TM2D1: variants seen among roughly 807,000 people sequenced by gnomAD.
The protein encoded by TM2D1 is TM2 domain-containing protein 1.
A neutral mutation model predicts 28.4 loss-of-function variants in TM2D1; 15 were observed. That is an observed-to-expected ratio of 0.53 (90% CI 0.35 to 0.81). The LOEUF (loss-of-function observed/expected upper bound fraction) is 0.81. TM2D1 is among the 40% of genes least tolerant of loss of function. The pLI is 0.01. For missense variants in TM2D1, 236 were observed against 254.9 expected, an observed-to-expected ratio of 0.93 and a Z score of 0.50; for synonymous variants, 93 against 96.2, an observed-to-expected ratio of 0.97 and a Z score of 0.20.
At chr1:61,724,466 G>A (rs1470417651) in intron 1 of TM2D1, 1 of 152,770 alleles carries the variant, frequency 6.5e-6, no homozygotes, top group African/African-American at 2.4e-5. Flanking sequence ...TTGTCTGGCA[G>A]TCTACCATCT....
chr1:61,683,239 C>T (rs1226349274), intron 6 of TM2D1, 178 bp downstream of exon 6: 3 of 274,734 alleles, frequency 1.1e-5, no homozygotes, highest in Non-Finnish European at 1.4e-5. Context: ...AAGTGGGAAC[C>T]GAAGGAGCCA....
chr1:61,718,723 A>G (rs1268782908), intron 2 of TM2D1, among the ~76,000 whole-genome samples: 1 of 152,234 alleles, frequency 6.6e-6, no homozygotes, highest in East Asian at 1.9e-4. Flanking sequence ...ATGTTACTTT[A>G]CAGCGTGGAA....
rs1351398379 is a variant in TM2D1, at chr1:61,724,980, C to T, written c.141G>A (p.Lys47=). ...ATTGTCCCACTTTGAGGTCCTCGCA[C>T]TTAAGCGACTCCTCGCCCCCGGCGG... The part of the protein sequence containing the change: ...ATSAGGEESL[K]CEDLKVGQYI... The change falls in exon 1 of 7, where the codon AAG becomes AAA. Residue 47 remains lysine, a synonymous_variant. Transcript: ENST00000606498. 6.2e-6 allele frequency: 10 copies of T among 1,605,696 alleles called. No homozygotes were observed. Among genetic ancestry groups the T allele is most frequent in the Non-Finnish European group, 8.5e-6 (10 of 1,173,464 alleles).
At chr1:61,714,562 C>A (rs1395980644) in intron 2 of TM2D1, among the ~76,000 whole-genome samples, 2 of 152,088 alleles carry the variant, frequency 1.3e-5, no homozygotes, top group Non-Finnish European at 2.9e-5. Context: ...AGAGCCCTTT[C>A]TTTCGCTTTA....
At chr1:61,685,307 C>T (rs577392658) in intron 5 of TM2D1, among the ~76,000 whole-genome samples, 46 of 152,230 alleles carry the variant, frequency 3.0e-4, no homozygotes, top group African/African-American at 1.1e-3. Context: ...ATTGATGTAA[C>T]ACTTTTATTT....
At chr1:61,710,475 TACACAC>T (rs34366819) in intron 2 of TM2D1, among the ~76,000 whole-genome samples, 33 of 119,562 alleles carry the variant, frequency 2.8e-4, no homozygotes, top group Non-Finnish European at 4.9e-5. Context: ...TATATATATA[TACACAC>T]ACACACACAC....
intron 1 of TM2D1, among the ~76,000 whole-genome samples, chr1:61,724,705 A>T (rs1418926025): frequency 6.6e-6 from 1 of 152,176 alleles, no homozygotes; most frequent in Non-Finnish European, 1.5e-5. Flanking sequence ...ACTGATAAAA[A>T]AGAAAAAAAA....
chr1:61,711,854 G>T (rs561162686), intron 2 of TM2D1, among the ~76,000 whole-genome samples: 1 of 151,856 alleles, frequency 6.6e-6, no homozygotes, highest in Non-Finnish European at 1.5e-5. Flanking sequence ...CTGAAATGTT[G>T]ATATAAATTC....
chr1:61,682,949 CA>C (rs1360534495), intron 6 of TM2D1, among the ~76,000 whole-genome samples: 1 of 149,864 alleles, frequency 6.7e-6, no homozygotes, highest in Non-Finnish European at 1.5e-5. Context: ...ATAATTCTTA[CA>C]GCCAGAGCCA....
intron 5 of TM2D1, among the ~76,000 whole-genome samples, chr1:61,692,453 G>A: frequency 7.6e-6 from 1 of 131,104 alleles, no homozygotes. Context: ...AAAGAAAGAT[G>A]GAAAGAAGGA....
intron 5 of TM2D1, among the ~76,000 whole-genome samples, chr1:61,685,673 C>T (rs542051947): frequency 4.9e-4 from 75 of 152,300 alleles, no homozygotes; most frequent in Non-Finnish European, 1.0e-3. Context: ...TGCTGTTATG[C>T]ACATTGACTT....
At chr1:61,720,405 C>T (rs1644555010) in intron 2 of TM2D1, among the ~76,000 whole-genome samples, 1 of 152,032 alleles carries the variant, frequency 6.6e-6, no homozygotes, top group Non-Finnish European at 1.5e-5. Flanking sequence ...CTACGCCTGG[C>T]TAATTTTTCT....
chr1:61,683,451 C>T lies in TM2D1; in HGVS notation c.609G>A (p.Thr203=), dbSNP rs756600417. 60 of 1,417,402 alleles carry T rather than the reference C, an allele frequency of 4.2e-5. No homozygotes were observed. The African/African-American group carries it at 5.6e-4, about 13-fold the overall frequency. The allele number at this position is 1,417,402 out of a possible 1,614,324, so 87.8% of individuals were successfully genotyped here. ...TAAAAAATATTTATGGATATAATTGCGTTTTTCTAAATGTTTCATTAGTAA... is the reference window on the plus strand; with the variant it reads ...TAAAAAATATTTATGGATATAATTGTGTTTTTCTAAATGTTTCATTAGTAA... ...LSITNETFRK[T]QLYP The change falls in exon 6 of 7, where the codon ACG becomes ACA. Residue 203 remains threonine, a synonymous_variant. Transcript: ENST00000606498.
chr1:61,710,425 CAAA>C (rs1171048869), intron 2 of TM2D1, among the ~76,000 whole-genome samples: 215 of 58,228 alleles, frequency 3.7e-3, no homozygotes, highest in African/African-American at 0.014. Context: ...GACCCTGTCC[CAAA>C]AAAAAAAAAA....
chr1:61,710,778 A>G (rs1409481619), intron 2 of TM2D1, among the ~76,000 whole-genome samples: 2 of 152,068 alleles, frequency 1.3e-5, no homozygotes, highest in East Asian at 1.9e-4. Context: ...GAAAGATAGT[A>G]TTTTCTATCA....
chr1:61,717,515 ATTCCAGCCAATAAC>A (rs1387443274), intron 2 of TM2D1, among the ~76,000 whole-genome samples: 1 of 152,224 alleles, frequency 6.6e-6, no homozygotes, highest in Non-Finnish European at 1.5e-5. Flanking sequence ...GATAATATCA[ATTCCAGCCAATAAC>A]TACACAGTAT....
intron 5 of TM2D1, 41 bp downstream of exon 5, chr1:61,694,656 T>A: frequency 7.4e-7 from 1 of 1,343,754 alleles, no homozygotes; most frequent in Non-Finnish European, 1.0e-6. Context: ...AACTCAATTT[T>A]GAATGTAAAA....
At chr1:61,693,184 T>C (rs555942933) in intron 5 of TM2D1, among the ~76,000 whole-genome samples, 1 of 152,218 alleles carries the variant, frequency 6.6e-6, no homozygotes, top group Non-Finnish European at 1.5e-5. Flanking sequence ...TTGACAGTGA[T>C]CTGAGATCAC....
intron 2 of TM2D1, among the ~76,000 whole-genome samples, chr1:61,714,116 C>G (rs1644499775): frequency 6.9e-6 from 1 of 145,606 alleles, no homozygotes; most frequent in Non-Finnish European, 1.5e-5. Flanking sequence ...AGGATGGTCT[C>G]GATCTCCTGA....
Sources: allele counts gnomAD v4.1 joint callset (sites outside exome capture counted in the v4.1 genomes callset), GRCh38; gene constraint gnomAD v4.1.1; transcripts MANE v1.5; gene names NCBI Gene and HGNC (gene_info 2026-07-23, HGNC 2026-07-21).